Variants in EXOC6 observed in about 807,000 individuals in gnomAD.
EXOC6 encodes the protein SEC15-like 1.
In EXOC6, 60 loss-of-function variants were observed where a neutral mutation model predicts 112.5. The ratio of observed to expected loss-of-function variants is 0.53; its 90% CI spans 0.43 to 0.66. The LOEUF is 0.66. Ranked by LOEUF, EXOC6 falls within the 30% of genes least tolerant of loss-of-function variation. EXOC6 has a pLI of 0.00. For missense variants in EXOC6, 855 were observed against 957.1 expected, an observed-to-expected ratio of 0.89 and a Z score of 1.41; for synonymous variants, 295 against 308.0, an observed-to-expected ratio of 0.96 and a Z score of 0.44.
intron 1 of EXOC6, among the ~76,000 whole-genome samples, chr10:92,892,223 CAAA>C (rs1564806047): frequency 6.6e-6 from 1 of 150,722 alleles, no homozygotes; most frequent in African/African-American, 2.5e-5. Context: ...ACAACAACAA[CAAA>C]AACTTTCAAA....
chr10:92,937,492 T>C (rs1014655412), intron 12 of EXOC6, among the ~76,000 whole-genome samples: 4 of 152,214 alleles, frequency 2.6e-5, no homozygotes, highest in Non-Finnish European at 4.4e-5. Flanking sequence ...CTTAGAATTA[T>C]AGTTTTCTAC....
chr10:92,984,089 A>G (rs1373889355), intron 18 of EXOC6, among the ~76,000 whole-genome samples: 2 of 152,136 alleles, frequency 1.3e-5, no homozygotes, highest in African/African-American at 4.8e-5. Context: ...TGTTATGATT[A>G]TGCCCATATT....
chr10:93,053,367 CT>C (rs1294804763), intron 20 of EXOC6, among the ~76,000 whole-genome samples: 2 of 152,176 alleles, frequency 1.3e-5, no homozygotes, highest in African/African-American at 4.8e-5. Context: ...TTATCCTTCA[CT>C]TCAATAGAAC....
intron 4 of EXOC6, among the ~76,000 whole-genome samples, chr10:92,896,119 A>ATGTGTGTGTG (rs1198813076): frequency 9.2e-5 from 2 of 21,712 alleles, no homozygotes; most frequent in African/African-American, 6.5e-4. Flanking sequence ...GTGTATATAT[A>ATGTGTGTGTG]TGTGTGTGTG....
chr10:92,919,345 A>T (rs1043799577), intron 7 of EXOC6, among the ~76,000 whole-genome samples: 1 of 152,228 alleles, frequency 6.6e-6, no homozygotes, highest in African/African-American at 2.4e-5. Flanking sequence ...GGAGATTCAC[A>T]TGAGTACAAA....
At chr10:92,841,039 C>T (rs973902647) in intron 1 of EXOC6, among the ~76,000 whole-genome samples, 25 of 152,246 alleles carry the variant, frequency 1.6e-4, no homozygotes, top group African/African-American at 6.0e-4. Flanking sequence ...ATATCTATCA[C>T]CTTACATACT....
chr10:92,987,755 TC>T (rs1445938992), intron 18 of EXOC6: 2 of 428,768 alleles, frequency 4.7e-6, no homozygotes, highest in Non-Finnish European at 6.2e-6. Context: ...TTTGGCAACA[TC>T]CTTGATAAAT....
chr10:93,052,272 C>G (rs1430667950), intron 20 of EXOC6, among the ~76,000 whole-genome samples: 1 of 152,188 alleles, frequency 6.6e-6, no homozygotes, highest in East Asian at 1.9e-4. Context: ...GTGATCTCAA[C>G]AGGTCTGAAA....
intron 19 of EXOC6, among the ~76,000 whole-genome samples, chr10:92,998,246 C>T (rs965495856): frequency 6.6e-6 from 1 of 151,964 alleles, no homozygotes; most frequent in Non-Finnish European, 1.5e-5. Context: ...AATTATAATT[C>T]TTTAAGTACA....
intron 19 of EXOC6, among the ~76,000 whole-genome samples, chr10:93,002,040 T>G (rs1347458822): frequency 6.6e-6 from 1 of 152,214 alleles, no homozygotes; most frequent in Non-Finnish European, 1.5e-5. Context: ...TATTCTATAA[T>G]TGATTAATAA....
At chr10:93,007,134 C>T (rs1844024418) in intron 19 of EXOC6, among the ~76,000 whole-genome samples, 1 of 152,084 alleles carries the variant, frequency 6.6e-6, no homozygotes, top group Admixed American at 6.6e-5. Flanking sequence ...GAGTTTAATT[C>T]CCTCTGAGTT....
At chr10:92,929,432 C>T (rs1851902208) in intron 9 of EXOC6, among the ~76,000 whole-genome samples, 1 of 152,188 alleles carries the variant, frequency 6.6e-6, no homozygotes, top group Non-Finnish European at 1.5e-5. Flanking sequence ...ATACAGATCT[C>T]TGCACCTTCA....
chr10:92,896,147 G>GTGTATATA (rs1432410468), intron 4 of EXOC6, among the ~76,000 whole-genome samples: 3 of 24,482 alleles, frequency 1.2e-4, no homozygotes, highest in South Asian at 2.3e-3. Context: ...GTATGTATGT[G>GTGTATATA]TATATATATA....
intron 1 of EXOC6, among the ~76,000 whole-genome samples, chr10:92,875,322 C>A (rs1158539418): frequency 2.0e-5 from 3 of 152,260 alleles, no homozygotes; most frequent in African/African-American, 7.2e-5. Flanking sequence ...CCTATTTCCT[C>A]CACGAAATTT....
intron 20 of EXOC6, among the ~76,000 whole-genome samples, chr10:93,038,764 A>G (rs998306374): frequency 6.6e-6 from 1 of 152,202 alleles, no homozygotes; most frequent in Non-Finnish European, 1.5e-5. Context: ...GCTCAGTTCA[A>G]CAAGCTTTGA....
intron 18 of EXOC6, among the ~76,000 whole-genome samples, chr10:92,975,631 T>C (rs1211309528): frequency 3.4e-4 from 35 of 101,956 alleles, no homozygotes; most frequent in East Asian, 1.1e-3. Flanking sequence ...GTCAGCCCCC[T>C]GCCCGGCCAG....
At chr10:92,855,928 G>C (rs995382094) in intron 1 of EXOC6, among the ~76,000 whole-genome samples, 1 of 151,916 alleles carries the variant, frequency 6.6e-6, no homozygotes, top group African/African-American at 2.4e-5. Flanking sequence ...GCAGTAGCGC[G>C]ATCTTGGCTC....
chr10:93,026,641 A>C (rs1039385883), intron 20 of EXOC6, among the ~76,000 whole-genome samples: 1 of 152,130 alleles, frequency 6.6e-6, no homozygotes, highest in Admixed American at 6.6e-5. Context: ...CAGTATTTCA[A>C]ACTTTTTCAT....
At chr10:92,945,179 A>G (rs1489310920) in intron 13 of EXOC6, among the ~76,000 whole-genome samples, 1 of 152,094 alleles carries the variant, frequency 6.6e-6, no homozygotes, top group Non-Finnish European at 1.5e-5. Context: ...TCTTTTGATA[A>G]ATATCTATTC....
Sources: allele counts gnomAD v4.1 joint callset (sites outside exome capture counted in the v4.1 genomes callset), GRCh38; gene constraint gnomAD v4.1.1; transcripts MANE v1.5; gene names NCBI Gene and HGNC (gene_info 2026-07-23, HGNC 2026-07-21).